Variants in FAM186A observed in about 807,000 individuals in gnomAD.
FAM186A encodes family with sequence similarity 186 member A.
FAM186A carries 163 observed loss-of-function variants against 216.8 expected under a neutral mutation model. The observed-to-expected ratio is 0.75, with a 90% confidence interval of 0.66 to 0.86. FAM186A has a LOEUF of 0.86. FAM186A is among the 40% of genes least tolerant of loss of function. FAM186A has a pLI of 0.00. For synonymous variants in FAM186A, 805 were observed against 1,025.3 expected (o/e 0.79, Z 4.10); for missense variants, 2,184 against 2,746.2 (o/e 0.80, Z 4.58).
intron 1 of FAM186A, among the ~76,000 whole-genome samples, chr12:50,374,157 G>C (rs1319566226): frequency 8.0e-6 from 1 of 125,396 alleles, no homozygotes; most frequent in Non-Finnish European, 1.6e-5. Flanking sequence ...GTTGTGGGGT[G>C]GGGGGAGGGG....
intron 7 of FAM186A, among the ~76,000 whole-genome samples, chr12:50,328,428 A>G (rs936086244): frequency 6.6e-6 from 1 of 152,200 alleles, no homozygotes; most frequent in Non-Finnish European, 1.5e-5. Context: ...CAACAAAATG[A>G]TGATGTAGCT....
Position 50,350,932 on chromosome 12 carries a change from A to G in FAM186A, c.5900T>C (p.Val1967Ala), listed in dbSNP as rs1352797559. 3.2e-6 allele frequency: 5 copies of G among 1,551,488 alleles called. No individual in the cohort carries two copies. Among genetic ancestry groups the G allele is most frequent in the Non-Finnish European group, 4.4e-6 (5 of 1,146,924 alleles). Residue 1967 changes from valine (V) to alanine (A), a missense_variant, in exon 4 of 8, where the codon GTA (valine) becomes GCA (alanine). Around this residue, in one of 7 missense-constraint regions of FAM186A, gnomAD observed 721 missense variants for 816.4 expected, o/e 0.88. Coordinates refer to ENST00000327337, the MANE Select transcript of FAM186A (RefSeq NM_001145475.3). ...ATCTGGAGCACTAGGATGGATCAAT[A>G]CTGATTTAGATTTCAGAGAAGAAAT... ...AIISSLKSKS[V>A]LIHPSAPDFK...
chr12:50,336,742 G>T (rs1033102827), intron 4 of FAM186A, among the ~76,000 whole-genome samples: 40 of 152,074 alleles, frequency 2.6e-4, no homozygotes, highest in African/African-American at 7.5e-4. Context: ...AAAGGATATA[G>T]TGGGGGATGA....
In FAM186A at chr12:50,351,514, G is replaced by A. The variant is rs1182832280; in HGVS notation, c.5318C>T (p.Ala1773Val). ...SRVPLNQGPFAPGKPLEMGIL... is the reference protein window; with the variant it reads ...SRVPLNQGPFVPGKPLEMGIL... ...CCCCATTTCTAGGGGCTTCCCAGGG[G>A]CAAAGGGGCCTTGGTTGAGGGGAAC... Residue 1773 changes from alanine (A) to valine (V), a missense_variant, in exon 4 of 8, where the codon GCC becomes GTC. Ala to Val is a moderately conservative substitution (Grantham distance 64). This residue lies in a region of FAM186A where 721 missense variants were observed against 816.4 expected (regional missense o/e 0.88). Coordinates refer to ENST00000327337, the MANE Select transcript of FAM186A (RefSeq NM_001145475.3). 2 of 1,508,330 alleles carry A rather than the reference G, an allele frequency of 1.3e-6. No homozygotes were observed. The highest frequency in any genetic ancestry group is 2.5e-5 in the East Asian group (1 of 40,692). The allele number at this position is 1,508,330 out of a possible 1,614,324, so 93.4% of individuals were successfully genotyped here.
chr12:50,394,734 T>G (rs1294335274), intron 1 of FAM186A, among the ~76,000 whole-genome samples: 16 of 35,882 alleles, frequency 4.5e-4, no homozygotes, highest in Non-Finnish European at 1.6e-3. Flanking sequence ...CTAACACTCT[T>G]TTTTTTTTTT....
rs1023014207 is a variant in FAM186A at position 50,355,000 on chromosome 12, T to A, written c.1832A>T (p.His611Leu). Reference sequence around the variant, plus strand: ...GCTTGTGATAGTTCCTGAAGAGATATGGTGTTTCTTTCCTTTTATTTTTCC... The same window carrying A: ...GCTTGTGATAGTTCCTGAAGAGATAAGGTGTTTCTTTCCTTTTATTTTTCC... ...QKGKIKGKKH[H>L]ISSGTITSKE... The change falls in exon 4 of 8, where the codon CAT (histidine) becomes CTT (leucine). Residue 611 changes from histidine to leucine, a missense_variant. Coordinates refer to ENST00000327337, the MANE Select transcript of FAM186A (RefSeq NM_001145475.3). The A allele has an allele frequency of 4.5e-6, 7 of 1,551,428 alleles. No individual in the cohort carries two copies. The African/African-American group carries it at 9.6e-5, about 21-fold the overall frequency.
intron 4 of FAM186A, among the ~76,000 whole-genome samples, chr12:50,346,220 G>GAGAGAAAGAAAGAAA (rs1555215373): frequency 2.1e-5 from 1 of 46,744 alleles, no homozygotes; most frequent in African/African-American, 9.3e-5. Context: ...AGAGAGAGAA[G>GAGAGAAAGAAAGAAA]GAAAGAAAGA....
At position 50,356,264 on chromosome 12, in the gene FAM186A, T is replaced by A. The variant is rs1302651372; in HGVS notation, c.584-16A>T. On this transcript the variant is annotated splice_polypyrimidine_tract_variant and intron_variant, in intron 3 of 7. Transcript: ENST00000327337. Reference sequence around the variant, plus strand: ...CCTCTAGATACTGAAGAACAAAACATAAAACAGTGAGATGGCATTTTTTTC... The same window carrying A: ...CCTCTAGATACTGAAGAACAAAACAAAAAACAGTGAGATGGCATTTTTTTC... The A allele has an allele frequency of 1.3e-6, 2 of 1,503,198 alleles. No individual in the cohort carries two copies. The highest frequency in any genetic ancestry group is 2.6e-5 in the South Asian group (2 of 76,442). The allele number at this position is 1,503,198 out of a possible 1,614,324, so 93.1% of individuals were successfully genotyped here.
At chr12:50,385,289 G>A (rs992794436) in intron 1 of FAM186A, among the ~76,000 whole-genome samples, 1 of 150,688 alleles carries the variant, frequency 6.6e-6, no homozygotes, top group Non-Finnish European at 1.5e-5. Context: ...ATGGTTGTAC[G>A]CACCTGTAGT....
Position 50,354,417 on chromosome 12 carries a change from A to C in FAM186A, c.2415T>G (p.Ile805Met). The C allele has an allele frequency of 6.4e-7, 1 of 1,551,292 alleles. No homozygotes were observed. The highest frequency in any genetic ancestry group is 8.7e-7 in the Non-Finnish European group (1 of 1,146,966). ...ILAEIESERD[I>M]PTVSTVQKDH... ...CTTTCTGTACTGTTGAGACTGTTGG[A>C]ATATCTCTTTCACTTTCTATTTCAG... is the stretch of plus-strand genomic sequence containing the variant. The change falls in exon 4 of 8, where the codon ATT becomes ATG. Residue 805 changes from isoleucine to methionine, a missense_variant. By Grantham distance (10) the Ile-to-Met change is conservative (BLOSUM62 1). This residue lies in a region of FAM186A where 1,132 missense variants were observed against 1,263.4 expected (regional missense o/e 0.90). Coordinates refer to ENST00000327337, the MANE Select transcript of FAM186A (RefSeq NM_001145475.3).
Position 50,333,955 on chromosome 12 carries a change from TC to T in FAM186A, c.6651del (p.Lys2218AsnfsTer6). On this transcript the variant is annotated frameshift_variant, in exon 5 of 8. Transcript: ENST00000327337. LOFTEE classifies it high-confidence loss of function. ...ATTTTCTTCAGGCACTGATTCCGTTTCTGCCCTAGAGACTTCTGCTTCTCAG... is the reference window on the plus strand; with the variant it reads ...ATTTTCTTCAGGCACTGATTCCGTTTTGCCCTAGAGACTTCTGCTTCTCAG... ...VWTEKQKSLG[Q>X]KRNQCLKKMI... 1 of 1,551,564 alleles carries T rather than the reference TC, an allele frequency of 6.4e-7. No homozygotes were observed. The highest frequency in any genetic ancestry group is 8.7e-7 in the Non-Finnish European group (1 of 1,146,946).
At position 50,355,704 on chromosome 12, in the gene FAM186A, A is replaced by G. The variant is rs918380260; in HGVS notation, c.1128T>C (p.Asn376=). 24 of 1,551,104 alleles carry G rather than the reference A, an allele frequency of 1.5e-5. No individual in the cohort carries two copies. The highest frequency in any genetic ancestry group is 1.1e-4 in the African/African-American group (8 of 73,024). The change falls in exon 4 of 8, where the codon AAT becomes AAC. Residue 376 remains asparagine, a synonymous_variant. Transcript: ENST00000327337. ...KVGDTEDNMD[N]ILDKELENIV... Reference sequence around the variant, plus strand: ...TATTTTCAAGTTCCTTGTCTAAAATATTGTCCATATTGTCCTCAGTATCAC... The same window carrying G: ...TATTTTCAAGTTCCTTGTCTAAAATGTTGTCCATATTGTCCTCAGTATCAC...
intron 1 of FAM186A, among the ~76,000 whole-genome samples, chr12:50,376,937 T>G (rs948896346): frequency 1.3e-5 from 2 of 151,798 alleles, no homozygotes; most frequent in Non-Finnish European, 2.9e-5. Flanking sequence ...TTTTTAGAGA[T>G]GGGATCTCAC....
chr12:50,332,871 T>C (rs1353342231), intron 5 of FAM186A, among the ~76,000 whole-genome samples: 1 of 151,490 alleles, frequency 6.6e-6, no homozygotes, highest in Non-Finnish European at 1.5e-5. Flanking sequence ...CTACTAAAAA[T>C]ACAAAAATTA....
intron 1 of FAM186A, among the ~76,000 whole-genome samples, chr12:50,379,969 GA>G (rs1943239538): frequency 8.4e-4 from 1 of 1,186 alleles, no homozygotes; most frequent in South Asian, 0.1. Flanking sequence ...AAGGTGGAAA[GA>G]AAGAAGGAAT....
In FAM186A at chr12:50,351,064, C is replaced by G; in HGVS notation, c.5768G>C (p.Trp1923Ser). The G allele has an allele frequency of 1.3e-6, 2 of 1,551,364 alleles. No individual in the cohort carries two copies. The highest frequency in any genetic ancestry group is 8.7e-7 in the Non-Finnish European group (1 of 1,146,936). ...WTLPGRASSL[W>S]IPPTSRHPPT... is the part of the protein sequence containing the mutation. ...AGGATGTCTAGAGGTGGGAGGGATC[C>G]ATAATGAAGAAGCTCGCCCAGGAAG... Residue 1923 changes from tryptophan (W) to serine (S), a missense_variant, in exon 4 of 8, where the codon TGG (tryptophan) becomes TCG (serine). Coordinates refer to ENST00000327337, the MANE Select transcript of FAM186A (RefSeq NM_001145475.3).
intron 3 of FAM186A, among the ~76,000 whole-genome samples, chr12:50,357,497 T>C (rs1205402718): frequency 1.8e-5 from 2 of 109,062 alleles, no homozygotes; most frequent in African/African-American, 6.7e-5. Flanking sequence ...TGAGACTCTG[T>C]CTGAAAAAAA....
Position 50,356,903 on chromosome 12 carries a change from G to A in FAM186A, c.584-655C>T, listed in dbSNP as rs138104094. ...AATCCCAGCTACTCAAGAGGCTAAG[G>A]CAGGAGAATCACTTGAACTCGGGAG... On this transcript the variant is annotated intron_variant, in intron 3 of 7. Coordinates refer to ENST00000327337, the MANE Select transcript of FAM186A (RefSeq NM_001145475.3). 1.5e-4 allele frequency among the ~76,000 whole-genome samples: 23 copies of A among 152,196 alleles called. No homozygotes were observed. In the East Asian group the frequency reaches 4.5e-3, roughly 29 times the overall value.
Position 50,334,078 on chromosome 12 carries a change from C to T in FAM186A, c.6529G>A (p.Ala2177Thr). Residue 2177 changes from alanine to threonine, a missense_variant, in exon 5 of 8, where the codon GCC becomes ACC. Transcript: ENST00000327337. ...TAGCCTTTCCCAGTATTTTGGATGG[C>T]TTTTAGTCGTTTCATTATGTTGTTC... ...ARNNIMKRLK[A>T]IQNTGKGYEA... 1 of 1,546,552 alleles carries T rather than the reference C, an allele frequency of 6.5e-7. No homozygotes were observed. The highest frequency in any genetic ancestry group is 1.2e-5 in the South Asian group (1 of 82,764).
Sources: gnomAD v4.1 joint callset for allele counts (sites outside exome capture counted in the v4.1 genomes callset) on GRCh38, gnomAD v4.1.1 for gene constraint, gnomAD v4.1.1 regional missense constraint, MANE v1.5 for transcripts, NCBI Gene and HGNC (gene_info 2026-07-23, HGNC 2026-07-21) for gene names.